Variants in SND1 observed in about 807,000 individuals in gnomAD.
The protein encoded by SND1 is staphylococcal nuclease domain-containing protein 1.
A neutral mutation model predicts 121.7 loss-of-function variants in SND1; 38 were observed. The observed-to-expected ratio is 0.31, with a 90% confidence interval of 0.24 to 0.41. The LOEUF is 0.41. SND1 is among the 10% of genes least tolerant of loss of function. SND1 has a pLI of 1.00. For missense variants in SND1, 868 were observed against 1,184.6 expected, an observed-to-expected ratio of 0.73 and a Z score of 3.92; for synonymous variants, 401 against 447.4, an observed-to-expected ratio of 0.90 and a Z score of 1.31.
At chr7:127,928,791 A>G (rs146130909) in intron 14 of SND1, among the ~76,000 whole-genome samples, 1,931 of 152,082 alleles carry the variant, frequency 0.013, 16 homozygotes, top group Non-Finnish European at 0.021. Flanking sequence ...GGGTTTTGCC[A>G]TGTTGGCCAG....
Position 128,084,796 on chromosome 7 carries a change from A to C in SND1, c.2183A>C (p.Tyr728Ser). 1 of 1,608,850 alleles carries C rather than the reference A, an allele frequency of 6.2e-7. No individual in the cohort carries two copies. Among genetic ancestry groups the C allele is most frequent in the Non-Finnish European group, 8.5e-7 (1 of 1,176,364 alleles). Reference protein sequence around the residue: ...IASHPPVEGSYAPRRGEFCIA... With the variant: ...IASHPPVEGSSAPRRGEFCIA... ...AGTCACCCCCCTGTAGAGGGCTCCT[A>C]TGCCCCCCGCAGGGGAGAGTTCTGC... Residue 728 changes from tyrosine to serine, a missense_variant, in exon 19 of 24, where the codon TAT becomes TCT. Transcript: ENST00000354725.
Position 128,074,557 on chromosome 7 carries a change from A to G in SND1, c.1835A>G (p.His612Arg). 1 of 1,613,514 alleles carries G rather than the reference A, an allele frequency of 6.2e-7. No homozygotes were observed. The highest frequency in any genetic ancestry group is 8.5e-7 in the Non-Finnish European group (1 of 1,179,876). Residue 612 changes from histidine to arginine, a missense_variant, in exon 17 of 24, where the codon CAC becomes CGC. By Grantham distance (29) the His-to-Arg change is conservative (BLOSUM62 0). This residue lies in a region of SND1 where 743 missense variants were observed against 1,071.3 expected (regional missense o/e 0.69). Coordinates refer to ENST00000354725, the MANE Select transcript of SND1 (RefSeq NM_014390.4). ...DKAGNFIGWL[H>R]IDGANLSVLL... ...GCCGGCAACTTTATCGGCTGGCTGC[A>G]CATCGACGGTGCCAACCTGTCCGTC...
At chr7:127,695,079 C>G in intron 3 of SND1, 131 bp downstream of exon 3, 2 of 1,074,170 alleles carry the variant, frequency 1.9e-6, no homozygotes, top group African/African-American at 1.6e-5. Context: ...GGCATAAATG[C>G]AAATGCTTTG....
chr7:127,655,494 C>T (rs1280455323), intron 1 of SND1, among the ~76,000 whole-genome samples: 1 of 152,170 alleles, frequency 6.6e-6, no homozygotes, highest in African/African-American at 2.4e-5. Flanking sequence ...CAGAAAAAAT[C>T]AGCAAGGATG....
intron 10 of SND1, among the ~76,000 whole-genome samples, chr7:127,799,757 A>G (rs1798095344): frequency 6.6e-6 from 1 of 152,160 alleles, no homozygotes; most frequent in Non-Finnish European, 1.5e-5. Context: ...TATAGACTGT[A>G]TTTACTTTTA....
At chr7:127,946,715 A>G (rs1452367509) in intron 15 of SND1, among the ~76,000 whole-genome samples, 1 of 152,216 alleles carries the variant, frequency 6.6e-6, no homozygotes, top group East Asian at 1.9e-4. Flanking sequence ...TGGCATGACT[A>G]TGGCGAGTAA....
In SND1 at chr7:127,901,003, A is replaced by G. The variant is rs547943094; in HGVS notation, c.1455-3744A>G. Among the ~76,000 whole-genome samples, 25 of 152,252 alleles carry G rather than the reference A, an allele frequency of 1.6e-4. 2 individuals carry two copies. In the South Asian group the frequency reaches 5.2e-3, roughly 32 times the overall value. The stretch of plus-strand genomic sequence containing the variant: ...AAGTCAGGAGTTTCATTCCTTGCCT[A>G]ATGAAAAGGGATGCAGACTTGTGGC... On this transcript the variant is annotated intron_variant, in intron 13 of 23. Coordinates refer to ENST00000354725, the MANE Select transcript of SND1 (RefSeq NM_014390.4).
intron 13 of SND1, among the ~76,000 whole-genome samples, chr7:127,896,089 T>A (rs1800113186): frequency 6.6e-6 from 1 of 152,142 alleles, no homozygotes; most frequent in African/African-American, 2.4e-5. Flanking sequence ...ATCATTAGTC[T>A]ACACTGGTTG....
intron 18 of SND1, chr7:128,081,762 A>G: frequency 3.2e-6 from 2 of 633,440 alleles, no homozygotes; most frequent in Admixed American, 1.9e-5. Context: ...CTCTGGACGC[A>G]GGTGAGATAA....
intron 10 of SND1, 55 bp downstream of exon 10, chr7:127,721,455 G>A (rs1796495282): frequency 2.0e-6 from 2 of 986,710 alleles, no homozygotes; most frequent in East Asian, 2.4e-5. Context: ...GAAGAAGTTG[G>A]AGAATTGATT....
At chr7:127,683,521 G>T (rs1795763116) in intron 1 of SND1, among the ~76,000 whole-genome samples, 1 of 152,162 alleles carries the variant, frequency 6.6e-6, no homozygotes, top group Non-Finnish European at 1.5e-5. Flanking sequence ...CCAGCCTGTA[G>T]TGTGTTTTGA....
intron 9 of SND1, chr7:127,718,854 G>C: frequency 1.7e-6 from 1 of 602,102 alleles, no homozygotes; most frequent in Non-Finnish European, 2.1e-6. Context: ...TTGATTATAG[G>C]AATTTCCTTA....
chr7:127,884,423 A>G (rs762874281), intron 12 of SND1, among the ~76,000 whole-genome samples: 39 of 152,164 alleles, frequency 2.6e-4, no homozygotes, highest in Non-Finnish European at 5.0e-4. Flanking sequence ...TTTGAAATCA[A>G]TCACTGCTAC....
intron 9 of SND1, among the ~76,000 whole-genome samples, chr7:127,716,476 G>T (rs1448337938): frequency 6.6e-6 from 1 of 151,418 alleles, no homozygotes; most frequent in Non-Finnish European, 1.5e-5. Flanking sequence ...TACTGGAAAA[G>T]GAACTATTTT....
intron 16 of SND1, among the ~76,000 whole-genome samples, chr7:128,020,155 C>T (rs540963732): frequency 3.3e-5 from 5 of 152,178 alleles, no homozygotes; most frequent in Admixed American, 2.6e-4. Context: ...GCACACATGC[C>T]CTGAAGAGAA....
At chr7:127,933,897 G>C (rs1373014831) in intron 15 of SND1, among the ~76,000 whole-genome samples, 1 of 152,152 alleles carries the variant, frequency 6.6e-6, no homozygotes. Flanking sequence ...TTCCCTCTGA[G>C]ACTTTGGAGC....
chr7:128,071,108 C>T (rs1271919820), intron 16 of SND1, among the ~76,000 whole-genome samples: 2 of 152,202 alleles, frequency 1.3e-5, no homozygotes, highest in East Asian at 3.8e-4. Flanking sequence ...AGCTGAAGTG[C>T]TGTCTAGTGT....
chr7:128,072,998 C>T (rs893658061), intron 16 of SND1, among the ~76,000 whole-genome samples: 2 of 152,202 alleles, frequency 1.3e-5, no homozygotes, highest in African/African-American at 2.4e-5. Flanking sequence ...CCAGCACTTA[C>T]GCCCAGACTC....
intron 16 of SND1, among the ~76,000 whole-genome samples, chr7:128,019,023 A>G (rs770447648): frequency 1.3e-5 from 2 of 152,072 alleles, no homozygotes; most frequent in African/African-American, 2.4e-5. Flanking sequence ...TCACATCTCA[A>G]ATGTCCATCA....
Sources: allele counts gnomAD v4.1 joint callset (sites outside exome capture counted in the v4.1 genomes callset), GRCh38; gene constraint gnomAD v4.1.1; regional missense constraint gnomAD v4.1.1; transcripts MANE v1.5; gene names NCBI Gene and HGNC (gene_info 2026-07-23, HGNC 2026-07-21).